Variants in GLIS3 observed in about 807,000 individuals in gnomAD.
GLIS3 encodes the protein GLIS family zinc finger 3.
GLIS3 carries 53 observed loss-of-function variants against 78.6 expected under a neutral mutation model. The ratio of observed to expected loss-of-function variants is 0.67; its 90% CI spans 0.54 to 0.85. GLIS3 has a LOEUF of 0.85. Among genes scored for constraint, GLIS3 ranks in the 40% least tolerant of loss-of-function variants. The pLI is 0.00. For synonymous variants in GLIS3, 684 were observed against 509.9 expected, an observed-to-expected ratio of 1.34 and a Z score of -4.60; for missense variants, 1,703 against 1,231.1, an observed-to-expected ratio of 1.38 and a Z score of -5.74.
chr9:4,187,846 T>C (rs1397803391), intron 2 of GLIS3, among the ~76,000 whole-genome samples: 1 of 152,188 alleles, frequency 6.6e-6, no homozygotes, highest in East Asian at 1.9e-4. Context: ...ACATTGATTT[T>C]GTATCCTGAG....
chr9:4,443,863 G>A, the GLIS3 span, among the ~76,000 whole-genome samples: 1 of 152,148 alleles, frequency 6.6e-6, no homozygotes, highest in Non-Finnish European at 1.5e-5. Flanking sequence ...AAAAAGGTTG[G>A]CTCAAAGAAG....
At chr9:4,472,885 T>C in the GLIS3 span, among the ~76,000 whole-genome samples, 1 of 152,206 alleles carries the variant, frequency 6.6e-6, no homozygotes, top group African/African-American at 2.4e-5. Context: ...ATAATTATTG[T>C]AAAAATCAAC....
At chr9:3,945,251 A>G (rs942359069) in intron 4 of GLIS3, among the ~76,000 whole-genome samples, 1 of 152,252 alleles carries the variant, frequency 6.6e-6, no homozygotes, top group Non-Finnish European at 1.5e-5. Flanking sequence ...TAATCCATAT[A>G]CATGTATCTA....
At chr9:4,201,271 A>T (rs1318561278) in intron 2 of GLIS3, among the ~76,000 whole-genome samples, 1 of 152,220 alleles carries the variant, frequency 6.6e-6, no homozygotes, top group Non-Finnish European at 1.5e-5. Flanking sequence ...GAAAACTGGA[A>T]CAAGACAAGG....
chr9:4,390,323 A>C, the GLIS3 span, among the ~76,000 whole-genome samples: 1 of 152,238 alleles, frequency 6.6e-6, no homozygotes, highest in Non-Finnish European at 1.5e-5. Context: ...ACTTTGTGGC[A>C]GTCTAAACCC....
At position 4,299,786 on chromosome 9, in the gene GLIS3, G is replaced by A. The variant is rs1424230490; in HGVS notation, c.-464C>T. ...TCAGTTGCGACTTTGTGCCTCGCCT[G>A]TCCTGTTCATCCTCGTCCTGGGCCG... On this transcript the variant is annotated 5_prime_UTR_variant, in exon 1 of 11. Coordinates refer to ENST00000381971, the MANE Select transcript of GLIS3 (RefSeq NM_001042413.2). 1 of 152,468 alleles carries A rather than the reference G, an allele frequency of 6.6e-6. No individual in the cohort carries two copies. Among genetic ancestry groups the A allele is most frequent in the Non-Finnish European group, 1.5e-5 (1 of 68,262 alleles). 9.4% of individuals were successfully genotyped at this position (152,468 alleles called of 1,614,324 possible).
At chr9:4,459,423 A>C in the GLIS3 span, among the ~76,000 whole-genome samples, 1 of 152,188 alleles carries the variant, frequency 6.6e-6, no homozygotes, top group African/African-American at 2.4e-5. Context: ...ATAGCCAGTG[A>C]GGTACGAGGG....
At chr9:4,438,043 C>T in the GLIS3 span, among the ~76,000 whole-genome samples, 1 of 152,036 alleles carries the variant, frequency 6.6e-6, no homozygotes, top group African/African-American at 2.4e-5. Flanking sequence ...GGGATTGGTG[C>T]CTCTAACTTC....
rs114843710 is a variant in GLIS3, at chr9:4,009,976, G to A, written c.1711-72787C>T. On this transcript the variant is annotated intron_variant, in intron 4 of 10. Coordinates refer to ENST00000381971, the MANE Select transcript of GLIS3 (RefSeq NM_001042413.2). Reference sequence around the variant, plus strand: ...GCCAAACTGCTCAGCAGAGTGTGGAGCATGGGGTCTCTACGTCAGCACTGT... The same window carrying A: ...GCCAAACTGCTCAGCAGAGTGTGGAACATGGGGTCTCTACGTCAGCACTGT... 3.7e-3 allele frequency among the ~76,000 whole-genome samples: 561 copies of A among 152,242 alleles called. 3 individuals are homozygous for A. The highest frequency in any genetic ancestry group is 0.013 in the African/African-American group (530 of 41,538).
Position 4,235,115 on chromosome 9 carries a change from G to A in GLIS3, c.388+50923C>T, listed in dbSNP as rs531388462. Among the ~76,000 whole-genome samples, 1,004 of 152,060 alleles carry A rather than the reference G, an allele frequency of 6.6e-3. 6 individuals are homozygous for A. The highest frequency in any genetic ancestry group is 0.01 in the Non-Finnish European group (680 of 67,972). ...AGATCGAGACCATCCTGGCTAACCC[G>A]GTGAAACTCTGTCTCTACTAAAAAT... On this transcript the variant is annotated intron_variant, in intron 2 of 10. Coordinates refer to ENST00000381971, the MANE Select transcript of GLIS3 (RefSeq NM_001042413.2).
chr9:4,271,214 A>G (rs1037561023), intron 2 of GLIS3, among the ~76,000 whole-genome samples: 1 of 152,140 alleles, frequency 6.6e-6, no homozygotes. Context: ...TCTCAGTAGC[A>G]TTTTCTTTTC....
the GLIS3 span, among the ~76,000 whole-genome samples, chr9:4,373,075 A>T: frequency 6.6e-6 from 1 of 152,256 alleles, no homozygotes; most frequent in Non-Finnish European, 1.5e-5. Context: ...AACTAGGGAT[A>T]ACCCCCAGAA....
At chr9:4,338,417 T>C (rs1817786914) in intron 2 of GLIS3, among the ~76,000 whole-genome samples, 1 of 151,644 alleles carries the variant, frequency 6.6e-6, no homozygotes, top group Non-Finnish European at 1.5e-5. Flanking sequence ...CACAATTTTT[T>C]AAACAAGCTC....
chr9:4,324,839 C>T (rs1297752177), intron 2 of GLIS3, among the ~76,000 whole-genome samples: 1 of 152,174 alleles, frequency 6.6e-6, no homozygotes, highest in Non-Finnish European at 1.5e-5. Context: ...ATAAAATAAT[C>T]ACTTCAATCA....
At chr9:4,120,433 C>G (rs141497375) in intron 3 of GLIS3, among the ~76,000 whole-genome samples, 4 of 152,330 alleles carry the variant, frequency 2.6e-5, no homozygotes, top group African/African-American at 9.6e-5. Context: ...GGGTTGTAGT[C>G]TTTTTGCAAC....
chr9:3,953,187 G>C (rs1588301737), intron 4 of GLIS3, among the ~76,000 whole-genome samples: 2 of 152,166 alleles, frequency 1.3e-5, no homozygotes, highest in East Asian at 3.9e-4. Context: ...CTTGCATCAA[G>C]GGAATCAGGC....
At chr9:4,359,212 A>C in the GLIS3 span, among the ~76,000 whole-genome samples, 6 of 152,036 alleles carry the variant, frequency 3.9e-5, no homozygotes, top group African/African-American at 1.4e-4. Flanking sequence ...CTCTGCATAC[A>C]CCGAGATGAG....
upstream of GLIS3, among the ~76,000 whole-genome samples, chr9:4,350,727 G>C (rs935337402): frequency 3.9e-5 from 6 of 152,192 alleles, no homozygotes; most frequent in African/African-American, 1.4e-4. Flanking sequence ...AGTTGGGATT[G>C]ATGTGTCTCT....
At chr9:4,150,976 T>C (rs562431643) in intron 2 of GLIS3, 2 of 152,222 alleles carry the variant, frequency 1.3e-5, no homozygotes, top group South Asian at 2.1e-4. Flanking sequence ...GCCTTCAAAA[T>C]AGAGTGAAGA....
Sources: allele counts gnomAD v4.1 joint callset (sites outside exome capture counted in the v4.1 genomes callset), GRCh38; gene constraint gnomAD v4.1.1; transcripts MANE v1.5; gene names NCBI Gene and HGNC (gene_info 2026-07-23, HGNC 2026-07-21).